Variants in SLC12A7 observed in about 807,000 individuals in gnomAD.
SLC12A7 encodes solute carrier family 12 member 7, also known as K-Cl cotransporter 4.
Under a neutral mutation model 120.6 loss-of-function variants are expected in SLC12A7, and 100 were observed. The ratio of observed to expected loss-of-function variants is 0.83; its 90% CI spans 0.71 to 0.98. The LOEUF (loss-of-function observed/expected upper bound fraction) is 0.98, where lower values mean the gene tolerates loss of function less well. Ranked by LOEUF, SLC12A7 falls within the 50% of genes least tolerant of loss-of-function variation. The pLI is 0.00. For missense variants in SLC12A7, 1,373 were observed against 1,548.1 expected (o/e 0.89, Z 1.90); for synonymous variants, 760 against 678.0 (o/e 1.12, Z -1.88).
chr5:1,074,917 C>T (rs1277935496), intron 15 of SLC12A7, among the ~76,000 whole-genome samples: 2 of 152,064 alleles, frequency 1.3e-5, no homozygotes, highest in African/African-American at 2.4e-5. Context: ...CGTGAGGTGC[C>T]TTCCTCACAG....
intron 21 of SLC12A7, among the ~76,000 whole-genome samples, chr5:1,058,186 T>G (rs1007723275): frequency 1.3e-5 from 2 of 152,190 alleles, no homozygotes; most frequent in African/African-American, 4.8e-5. Context: ...CGGCCCCCTG[T>G]GCGTCACTTC....
the SLC12A7 span, among the ~76,000 whole-genome samples, chr5:1,136,140 G>A: frequency 2.6e-3 from 392 of 152,282 alleles, 1 homozygote; most frequent in African/African-American, 8.9e-3. Context: ...CACAGGAGGA[G>A]GGAGAATCGT....
chr5:1,106,451 C>CAAAAA (rs36005053), intron 1 of SLC12A7, among the ~76,000 whole-genome samples: 4 of 81,812 alleles, frequency 4.9e-5, no homozygotes, highest in East Asian at 3.6e-4. Flanking sequence ...AACTCTGTCT[C>CAAAAA]AAAAAAAAAA....
chr5:1,151,961 G>A, the SLC12A7 span, among the ~76,000 whole-genome samples: 1 of 152,202 alleles, frequency 6.6e-6, no homozygotes, highest in Non-Finnish European at 1.5e-5. The surrounding 1 kb of genome is among the most constrained non-coding windows in gnomAD (Gnocchi z 6.2). Flanking sequence ...CTACATGGGG[G>A]CTGTCATCGG....
chr5:1,106,042 C>T (rs190757658), intron 1 of SLC12A7, among the ~76,000 whole-genome samples: 41 of 152,366 alleles, frequency 2.7e-4, no homozygotes, highest in African/African-American at 9.4e-4. Context: ...CCCTCAGAAA[C>T]ACTCAGCTGA....
chr5:1,073,995 C>T (rs958198631), intron 16 of SLC12A7, among the ~76,000 whole-genome samples, 194 bp from the exon 17 acceptor site: 1 of 152,040 alleles, frequency 6.6e-6, no homozygotes, highest in African/African-American at 2.4e-5. Flanking sequence ...GTAAGTTGAA[C>T]AGGTGACAGG....
chr5:1,105,116 C>A (rs1398285487), intron 1 of SLC12A7, among the ~76,000 whole-genome samples: 1 of 150,560 alleles, frequency 6.6e-6, no homozygotes, highest in Non-Finnish European at 1.5e-5. Context: ...CCAAAGGGGA[C>A]CCTCCCCGCA....
intron 8 of SLC12A7, 102 bp from the exon 9 acceptor site, chr5:1,081,846 G>A: frequency 1.4e-6 from 2 of 1,408,192 alleles, no homozygotes; most frequent in Non-Finnish European, 1.9e-6. Context: ...TGGCCGGAGG[G>A]GAAGGGTCAC....
intron 5 of SLC12A7, among the ~76,000 whole-genome samples, chr5:1,088,093 C>T (rs937901350): frequency 5.9e-5 from 9 of 152,174 alleles, no homozygotes; most frequent in Non-Finnish European, 7.4e-5. Flanking sequence ...AAGAGACGGT[C>T]ACCACGCAGC....
chr5:1,120,354 A>T, the SLC12A7 span, among the ~76,000 whole-genome samples: 2 of 152,272 alleles, frequency 1.3e-5, no homozygotes, highest in East Asian at 3.8e-4. Flanking sequence ...CTTACAGACC[A>T]GCAAGGAAAC....
In SLC12A7 at chr5:1,077,892, T is replaced by G; in HGVS notation, c.1570A>C (p.Thr524Pro). ...STCGAGLQSL[T>P]GAPRLLQAIA... ...GCCTGCAGTAGGCGCGGTGCCCCCG[T>G]GAGGCTCTGCAGGCCGGCACCGCAG... is the stretch of plus-strand genomic sequence containing the variant. Residue 524 changes from threonine (T) to proline (P), a missense_variant, in exon 12 of 24, where the codon ACG becomes CCG. By Grantham distance (38) the Thr-to-Pro change is conservative. Coordinates refer to ENST00000264930, the MANE Select transcript of SLC12A7 (RefSeq NM_006598.3). The G allele has an allele frequency of 6.3e-7, 1 of 1,598,820 alleles. No homozygotes were observed. Among genetic ancestry groups the G allele is most frequent in the Non-Finnish European group, 8.5e-7 (1 of 1,173,592 alleles).
intron 22 of SLC12A7, among the ~76,000 whole-genome samples, chr5:1,054,728 C>T (rs890426581): frequency 3.9e-5 from 6 of 152,226 alleles, no homozygotes; most frequent in African/African-American, 1.2e-4. Context: ...TCCAGGCTCA[C>T]GCCCTTTGAT....
At chr5:1,056,556 G>C (rs903099561) in intron 22 of SLC12A7, 1 of 984,292 alleles carries the variant, frequency 1.0e-6, no homozygotes, top group Admixed American at 6.1e-5. Flanking sequence ...CCCGGAAGGC[G>C]ACCTGGTTGT....
At chr5:1,130,468 G>A in the SLC12A7 span, among the ~76,000 whole-genome samples, 2 of 124,984 alleles carry the variant, frequency 1.6e-5, no homozygotes, top group African/African-American at 5.5e-5. Flanking sequence ...CCCACCCCAG[G>A]AGAGGCCACC....
intron 23 of SLC12A7, 145 bp downstream of exon 23, chr5:1,053,204 G>A (rs1487083655): frequency 2.3e-5 from 25 of 1,066,558 alleles, no homozygotes; most frequent in Non-Finnish European, 3.2e-5. Flanking sequence ...GAGCCCCACT[G>A]CATCCCGGTC....
rs1167958221 is a variant in SLC12A7 at position 1,075,682 on chromosome 5, G to A, written c.1848-192C>T. Among the ~76,000 whole-genome samples, 8 of 152,186 alleles carry A rather than the reference G, an allele frequency of 5.3e-5. No homozygotes were observed. In the East Asian group the frequency reaches 1.2e-3, roughly 22 times the overall value. On this transcript the variant is annotated intron_variant, in intron 14 of 23. Transcript: ENST00000264930. ...GTGACGTGGCTCCCTGGGCCCCTGT[G>A]GGAGCTGTCACTCCAAAACCCAGTA...
the SLC12A7 span, among the ~76,000 whole-genome samples, chr5:1,152,793 G>C: frequency 6.6e-6 from 1 of 152,144 alleles, no homozygotes; most frequent in African/African-American, 2.4e-5. Context: ...TGACCGACAC[G>C]GGGGAGGCCT....
In SLC12A7 at chr5:1,056,727, T is replaced by G. The variant is rs558493147; in HGVS notation, c.3026+744A>C. 1.2e-5 allele frequency: 3 copies of G among 251,306 alleles called. No individual in the cohort carries two copies. The South Asian group carries it at 4.4e-4, about 37-fold the overall frequency. 15.6% of individuals were successfully genotyped at this position (251,306 alleles called of 1,614,324 possible). On this transcript the variant is annotated intron_variant, in intron 22 of 23. Coordinates refer to ENST00000264930, the MANE Select transcript of SLC12A7 (RefSeq NM_006598.3). ...ACAGGGCCCAGGAGCCCCCAGCCCTTCCTGAGAACCTGGCTTTAGGGTCTG... is the reference window on the plus strand; with the variant it reads ...ACAGGGCCCAGGAGCCCCCAGCCCTGCCTGAGAACCTGGCTTTAGGGTCTG...
At chr5:1,083,680 C>T in intron 8 of SLC12A7, 65 bp downstream of exon 8, 3 of 1,521,258 alleles carry the variant, frequency 2.0e-6, no homozygotes, top group Non-Finnish European at 1.8e-6. Flanking sequence ...CGAGAGCAGC[C>T]ACCAGGGCCA....
Sources: allele counts gnomAD v4.1 joint callset (sites outside exome capture counted in the v4.1 genomes callset), GRCh38; gene constraint gnomAD v4.1.1; non-coding constraint Gnocchi (gnomAD v3.1); transcripts MANE v1.5; gene names NCBI Gene and HGNC (gene_info 2026-07-23, HGNC 2026-07-21).